SLC25A10: variants seen among roughly 807,000 people sequenced by gnomAD.
The protein encoded by SLC25A10 is mitochondrial dicarboxylate carrier.
Under a neutral mutation model 40.4 loss-of-function variants are expected in SLC25A10, and 32 were observed. The observed-to-expected ratio is 0.79, with a 90% CI of 0.60 to 1.06. The LOEUF (loss-of-function observed/expected upper bound fraction) is 1.06. Ranked by LOEUF, SLC25A10 falls within the 50% of genes least tolerant of loss-of-function variation. SLC25A10 has a pLI of 0.00. For synonymous variants in SLC25A10, 181 were observed against 171.1 expected (o/e 1.06, Z -0.45); for missense variants, 394 against 402.6 (o/e 0.98, Z 0.18).
At position 81,715,462 on chromosome 17, in the gene SLC25A10, G is replaced by T; in HGVS notation, c.214-16G>T. ...GGGGCGTGCCCGTCCCTCCAAGCCA[G>T]GCCCTTCTCCCCCAGATGACCTACT... On this transcript the variant is annotated splice_polypyrimidine_tract_variant and intron_variant, in intron 2 of 10. Transcript: ENST00000350690. 6.2e-7 allele frequency: 1 copy of T among 1,604,790 alleles called. No individual in the cohort carries two copies.
intron 1 of SLC25A10, among the ~76,000 whole-genome samples, chr17:81,713,692 G>A (rs886359079): frequency 1.3e-4 from 20 of 152,198 alleles, no homozygotes; most frequent in African/African-American, 4.6e-4. Context: ...CCTGGGCGCC[G>A]CACAGGTGCC....
intron 4 of SLC25A10, 30 bp from the exon 5 acceptor site, chr17:81,715,979 C>G: frequency 6.4e-7 from 1 of 1,558,408 alleles, no homozygotes; most frequent in Non-Finnish European, 8.7e-7. Context: ...TCGGCCCGCC[C>G]GCCCCTCCCG....
At chr17:81,717,344 C>A in intron 7 of SLC25A10, 55 bp from the exon 8 acceptor site, 1 of 1,562,902 alleles carries the variant, frequency 6.4e-7, no homozygotes. Context: ...GCCCTGTGTG[C>A]TTTCCCCAAG....
intron 8 of SLC25A10, 49 bp downstream of exon 8, chr17:81,717,540 C>T (rs769262518): frequency 2.6e-5 from 42 of 1,592,346 alleles, no homozygotes; most frequent in African/African-American, 1.3e-4. Context: ...CGGCCTTGGG[C>T]GCTGAGGGCA....
chr17:81,715,504 C>T lies in SLC25A10; in HGVS notation c.240C>T (p.Ala80=), dbSNP rs1201314220. Residue 80 remains alanine (A), a synonymous_variant, in exon 3 of 11, where the codon GCC becomes GCT. Coordinates refer to ENST00000350690, the MANE Select transcript of SLC25A10 (RefSeq NM_012140.5). The stretch of plus-strand genomic sequence containing the variant: ...TGACCTACTCCCTGACTCGGTTCGC[C>T]ATCTACGAGACTGTGCGGGACCGTG... The part of the protein sequence containing the change: ...RQMTYSLTRF[A]IYETVRDRVA... 1.2e-6 allele frequency: 2 copies of T among 1,612,650 alleles called. No homozygotes were observed. Among genetic ancestry groups the T allele is most frequent in the African/African-American group, 1.3e-5 (1 of 74,910 alleles).
At chr17:81,715,413 C>A in intron 2 of SLC25A10, 65 bp from the exon 3 acceptor site, 1 of 1,400,088 alleles carries the variant, frequency 7.1e-7, no homozygotes, top group Non-Finnish European at 1.0e-6. Flanking sequence ...CCTGGCTGGG[C>A]CGGGTGGCGA....
chr17:81,714,608 C>T (rs2037444144), intron 1 of SLC25A10, among the ~76,000 whole-genome samples: 1 of 152,170 alleles, frequency 6.6e-6, no homozygotes, highest in Admixed American at 6.5e-5. Context: ...GGTCTCCTCG[C>T]TGGGCCCAAA....
rs1471285964 is a variant in SLC25A10, at chr17:81,716,696, C to G, written c.420-116C>G. 3.0e-6 allele frequency: 3 copies of G among 1,006,806 alleles called. No individual in the cohort carries two copies. In the South Asian group the frequency reaches 4.4e-5, roughly 15 times the overall value. 62.4% of individuals were successfully genotyped at this position (1,006,806 alleles called of 1,614,324 possible). A position where few individuals can be genotyped will look rare whatever the true frequency, so the allele number is the denominator to read the frequency against. On this transcript the variant is annotated intron_variant, in intron 5 of 10. Transcript: ENST00000350690. ...ATGTTCCCAGGGAGAGATCTTCAGG[C>G]CCATGAGGCCTCTGCTTCCTCGAGA...
rs368338121 is a variant in SLC25A10, at chr17:81,716,128, G to A, written c.419+78G>A. 1,446 of 1,477,636 alleles carry A rather than the reference G, an allele frequency of 9.8e-4. 4 individuals are homozygous for A. Among genetic ancestry groups the A allele is most frequent in the Non-Finnish European group, 1.2e-3 (1,303 of 1,085,286 alleles). The allele number at this position is 1,477,636 out of a possible 1,614,324, so 91.5% of individuals were successfully genotyped here. ...GGAGCGGACCCCTGGCTGCTCTGCCGTGACCCAGCTGAGGCTCCAGCAGGC... is the reference window on the plus strand; with the variant it reads ...GGAGCGGACCCCTGGCTGCTCTGCCATGACCCAGCTGAGGCTCCAGCAGGC... On this transcript the variant is annotated intron_variant, in intron 5 of 10. Transcript: ENST00000350690.
rs773565252 is a variant in SLC25A10 at position 81,720,046 on chromosome 17, G to T, written c.833G>T (p.Arg278Leu). The change falls in exon 11 of 11, where the codon CGC (arginine) becomes CTC (leucine). Residue 278 changes from arginine (R) to leucine (L), a missense_variant. By Grantham distance (102) the Arg-to-Leu change is moderately radical (BLOSUM62 -2). Transcript: ENST00000350690. ...ACTTTTGTGTTTCTGGAACAGCTACGCAAAAACTTTGGCATCAAAGTGCCA... is the reference window on the plus strand; with the variant it reads ...ACTTTTGTGTTTCTGGAACAGCTACTCAAAAACTTTGGCATCAAAGTGCCA... ...VLTFVFLEQL[R>L]KNFGIKVPS The T allele has an allele frequency of 2.5e-6, 4 of 1,613,386 alleles. No homozygotes were observed. The African/African-American group carries it at 5.3e-5, about 22-fold the overall frequency.
chr17:81,716,197 G>A (rs2037482994), intron 5 of SLC25A10, 147 bp downstream of exon 5: 3 of 828,312 alleles, frequency 3.6e-6, no homozygotes, highest in East Asian at 5.4e-5. Context: ...CGGCTGTTCT[G>A]GACTCGGGGG....
In SLC25A10 at chr17:81,720,447, C is replaced by T. The variant is rs918679425; in HGVS notation, c.*370C>T. On this transcript the variant is annotated 3_prime_UTR_variant, in exon 11 of 11. Transcript: ENST00000350690. ...CCCCGATGCCCAAAGCAGCATCTTC[C>T]AGCACTTTCCATCGAGGACTTGGGT... is the stretch of plus-strand genomic sequence containing the variant. 1.0e-4 allele frequency: 136 copies of T among 1,346,320 alleles called. No individual in the cohort carries two copies. The highest frequency in any genetic ancestry group is 1.4e-4 in the Admixed American group (4 of 28,058). 83.4% of individuals were successfully genotyped at this position (1,346,320 alleles called of 1,614,324 possible).
intron 9 of SLC25A10, among the ~76,000 whole-genome samples, chr17:81,719,215 G>A (rs897532647): frequency 3.3e-5 from 5 of 151,796 alleles, no homozygotes; most frequent in East Asian, 2.0e-4. Context: ...TTACAGGCAC[G>A]TGCCACCACT....
Position 81,717,877 on chromosome 17 carries a change from C to T in SLC25A10, c.705+16C>T, listed in dbSNP as rs2037518630. 1.3e-6 allele frequency: 2 copies of T among 1,592,316 alleles called. No individual in the cohort carries two copies. Among genetic ancestry groups the T allele is most frequent in the East Asian group, 2.3e-5 (1 of 44,080 alleles). ...GGAGTATCAGGTGAGTGGGGCCCTG[C>T]CTGTGCAGTTGGGCTGCACAGCCCA... On this transcript the variant is annotated intron_variant, in intron 9 of 10. Transcript: ENST00000350690.
chr17:81,716,624 GC>G (rs2037490945), intron 5 of SLC25A10, 187 bp from the exon 6 acceptor site: 1 of 615,624 alleles, frequency 1.6e-6, no homozygotes, highest in African/African-American at 1.8e-5. Context: ...CTCCCTGAGG[GC>G]CGGGCGGGGC....
intron 5 of SLC25A10, chr17:81,716,560 T>C (rs772178940): frequency 5.2e-6 from 3 of 580,956 alleles, no homozygotes; most frequent in Non-Finnish European, 9.2e-6. Context: ...GCAGGAGGCC[T>C]GCATGCTAGG....
At chr17:81,715,626 G>A (rs2037472298) in intron 3 of SLC25A10, 34 bp downstream of exon 3, 1 of 1,611,852 alleles carries the variant, frequency 6.2e-7, no homozygotes, top group East Asian at 2.2e-5. Context: ...AGGGGCGCGG[G>A]GTGGTCAGGT....
At chr17:81,719,538 C>T (rs1297470578) in intron 9 of SLC25A10, among the ~76,000 whole-genome samples, 2 of 152,216 alleles carry the variant, frequency 1.3e-5, no homozygotes, top group Non-Finnish European at 2.9e-5. Flanking sequence ...GTGCTGCATC[C>T]CTGATTCTCA....
rs140505434 is a variant in SLC25A10 at position 81,716,850 on chromosome 17, G to A, written c.458G>A (p.Arg153His). Reference sequence around the variant, plus strand: ...CTGGATGGCCTGTACCGCGTAGCTCGTGAAGGTGAGGGGCAGGTGCTGTGC... The same window carrying A: ...CTGGATGGCCTGTACCGCGTAGCTCATGAAGGTGAGGGGCAGGTGCTGTGC... ...HALDGLYRVA[R>H]EEGLRRLFSG... Residue 153 changes from arginine to histidine, a missense_variant, in exon 6 of 11, where the codon CGT becomes CAT. By Grantham distance (29) the Arg-to-His change is conservative. Coordinates refer to ENST00000350690, the MANE Select transcript of SLC25A10 (RefSeq NM_012140.5). 3.7e-4 allele frequency: 603 copies of A among 1,611,078 alleles called. 6 individuals are homozygous for A. Among genetic ancestry groups the A allele is most frequent in the Admixed American group, 4.9e-4 (29 of 59,650 alleles).
Sources: gnomAD v4.1 joint callset for allele counts (sites outside exome capture counted in the v4.1 genomes callset) on GRCh38, gnomAD v4.1.1 for gene constraint, MANE v1.5 for transcripts, NCBI Gene and HGNC (gene_info 2026-07-23, HGNC 2026-07-21) for gene names.